The following FSD1L variants were observed in gnomAD, a reference collection of about 807,000 sequenced individuals.
FSD1L encodes fibronectin type III and SPRY domain containing 1 like, also known as FSD1-like protein.
A neutral mutation model predicts 71.6 loss-of-function variants in FSD1L; 45 were observed. That is an observed-to-expected ratio of 0.63 (90% CI 0.49 to 0.81). FSD1L has a LOEUF of 0.81. Among genes scored for constraint, FSD1L ranks in the 30% least tolerant of loss-of-function variants. The pLI, the probability that FSD1L is intolerant of heterozygous loss-of-function variation, is 0.00. For missense variants in FSD1L, 561 were observed against 618.1 expected (o/e 0.91, Z 0.98); for synonymous variants, 197 against 207.2 (o/e 0.95, Z 0.42).
intron 10 of FSD1L, among the ~76,000 whole-genome samples, chr9:105,519,620 T>A (rs1351083219): frequency 2.6e-5 from 4 of 152,160 alleles, no homozygotes; most frequent in Non-Finnish European, 2.9e-5. Flanking sequence ...CTAAAAACTC[T>A]CAATAAACTA....
chr9:105,479,966 G>T (rs1313269834), intron 6 of FSD1L, among the ~76,000 whole-genome samples: 1 of 152,200 alleles, frequency 6.6e-6, no homozygotes, highest in Non-Finnish European at 1.5e-5. Context: ...TATTGGTAGA[G>T]CCAGGCTTAA....
At chr9:105,456,572 T>C (rs1471551470) in intron 1 of FSD1L, among the ~76,000 whole-genome samples, 2 of 152,274 alleles carry the variant, frequency 1.3e-5, no homozygotes, top group East Asian at 3.8e-4. Context: ...ATTCATTCCA[T>C]AACAGTGGTT....
chr9:105,457,635 GTC>G (rs1327794102), intron 1 of FSD1L, among the ~76,000 whole-genome samples: 1 of 152,262 alleles, frequency 6.6e-6, no homozygotes, highest in Admixed American at 6.5e-5. Flanking sequence ...AGCTGGCAGT[GTC>G]TCTCCTTGAG....
intron 5 of FSD1L, among the ~76,000 whole-genome samples, chr9:105,476,567 A>G (rs986421979): frequency 4.6e-5 from 7 of 152,178 alleles, no homozygotes; most frequent in Non-Finnish European, 8.8e-5. Context: ...TTTTTAGGTT[A>G]TGGTACTGTA....
intron 10 of FSD1L, chr9:105,520,836 C>T: frequency 6.2e-7 from 1 of 1,612,136 alleles, no homozygotes; most frequent in Middle Eastern, 2.2e-4. Context: ...TCCTCTTGTC[C>T]CCCCACAATC....
chr9:105,452,728 T>TTCCTCCTC (rs1830117210), intron 1 of FSD1L, among the ~76,000 whole-genome samples: 2 of 150,662 alleles, frequency 1.3e-5, no homozygotes, highest in African/African-American at 4.9e-5. Context: ...CTTTCCTTCT[T>TTCCTCCTC]TCCTCCTCTC....
At chr9:105,516,969 A>T (rs1418733054) in intron 10 of FSD1L, among the ~76,000 whole-genome samples, 4 of 152,242 alleles carry the variant, frequency 2.6e-5, no homozygotes, top group Non-Finnish European at 5.9e-5. Context: ...ACCAGTTTAG[A>T]GAAGAATATA....
rs10991678 is a variant in FSD1L, at chr9:105,510,218, A to G, written c.895+1503A>G. 9.3e-4 allele frequency among the ~76,000 whole-genome samples: 141 copies of G among 152,298 alleles called. 2 individuals are homozygous for G. The East Asian group carries it at 0.02, about 22-fold the overall frequency. ...AACTAAGTTGATTCTAGGCCTTTTC[A>G]GCACTTCTTCACTGTTGAGTAAACC... On this transcript the variant is annotated intron_variant, in intron 9 of 13. Transcript: ENST00000481272.
chr9:105,551,127 A>G lies in FSD1L; in HGVS notation c.*4644A>G, dbSNP rs755379664. On this transcript the variant is annotated 3_prime_UTR_variant, in exon 14 of 14. Coordinates refer to ENST00000481272, the MANE Select transcript of FSD1L (RefSeq NM_001145313.3). ...ATATATATTTTTTAACATTTCCTAT[A>G]TATCTAAGGTACCAAAGCACTGAGT... The G allele has an allele frequency of 1.3e-5, 2 of 152,082 alleles. No homozygotes were observed. Among genetic ancestry groups the G allele is most frequent in the African/African-American group, 2.4e-5 (1 of 41,434 alleles). The allele number at this position is 152,082 out of a possible 1,614,324, so 9.4% of individuals were successfully genotyped here. A position where few individuals can be genotyped will look rare whatever the true frequency, so the allele number is the denominator to read the frequency against.
intron 2 of FSD1L, among the ~76,000 whole-genome samples, chr9:105,462,782 C>T (rs1232185558): frequency 6.7e-6 from 1 of 149,502 alleles, no homozygotes; most frequent in Non-Finnish European, 1.5e-5. Flanking sequence ...CTGGGCCTCC[C>T]ATAGCGCACA....
At chr9:105,535,464 A>G (rs1232197222) in intron 12 of FSD1L, 146 bp downstream of exon 12, 3 of 833,864 alleles carry the variant, frequency 3.6e-6, no homozygotes, top group Non-Finnish European at 5.5e-6. Context: ...CATAATCTCA[A>G]TTCTAGAATT....
At chr9:105,451,099 A>G (rs898185362) in intron 1 of FSD1L, among the ~76,000 whole-genome samples, 1 of 151,960 alleles carries the variant, frequency 6.6e-6, no homozygotes, top group Non-Finnish European at 1.5e-5. Flanking sequence ...AGCTGGGACT[A>G]CAGGCTCCCG....
chr9:105,468,126 A>G (rs1053860012), intron 3 of FSD1L, 67 bp from the exon 4 acceptor site: 5 of 1,105,558 alleles, frequency 4.5e-6, no homozygotes, highest in African/African-American at 3.3e-5. Context: ...TCTTTTGGGC[A>G]TACCTTTTAG....
chr9:105,446,710 AC>A (rs1829658222), upstream of FSD1L, among the ~76,000 whole-genome samples: 1 of 121,508 alleles, frequency 8.2e-6, no homozygotes, highest in African/African-American at 3.0e-5. Context: ...TAGCACGTTA[AC>A]TTTTTTTTTT....
chr9:105,499,653 A>G (rs1833647731), intron 7 of FSD1L, among the ~76,000 whole-genome samples: 1 of 149,874 alleles, frequency 6.7e-6, no homozygotes, highest in Admixed American at 6.7e-5. Flanking sequence ...GTTTTTGTTT[A>G]TGTGTGTATG....
At chr9:105,530,004 T>C (rs1033326983) in intron 10 of FSD1L, among the ~76,000 whole-genome samples, 3 of 152,186 alleles carry the variant, frequency 2.0e-5, no homozygotes, top group African/African-American at 7.2e-5. Flanking sequence ...ACATTTTGAC[T>C]GGTATATTTA....
Position 105,462,974 on chromosome 9 carries a change from C to T in FSD1L, c.112-1262C>T, listed in dbSNP as rs537688971. The stretch of plus-strand genomic sequence containing the variant: ...CCAACATGGTGAAGCCCCGTCTCTA[C>T]TAAAAATGCAAAAATTAGCTGGGCG... On this transcript the variant is annotated intron_variant, in intron 2 of 13. Transcript: ENST00000481272. Among the ~76,000 whole-genome samples the T allele has an allele frequency of 5.3e-5, 8 of 151,256 alleles. No individual in the cohort carries two copies. The East Asian group carries it at 1.6e-3, about 30-fold the overall frequency.
At chr9:105,533,718 GCCCCCCCGT>G (rs771359477) in intron 10 of FSD1L, among the ~76,000 whole-genome samples, 3 of 149,608 alleles carry the variant, frequency 2.0e-5, no homozygotes, top group Non-Finnish European at 3.0e-5. Context: ...ACCGCGTGCA[GCCCCCCCGT>G]CCCTTTTTTT....
intron 5 of FSD1L, among the ~76,000 whole-genome samples, chr9:105,478,146 G>A (rs1831935133): frequency 6.6e-6 from 1 of 152,212 alleles, no homozygotes; most frequent in Admixed American, 6.5e-5. Flanking sequence ...TTGGGAGGCT[G>A]AGGCAGGAGA....
Sources: gnomAD v4.1 joint callset for allele counts (sites outside exome capture counted in the v4.1 genomes callset) on GRCh38, gnomAD v4.1.1 for gene constraint, MANE v1.5 for transcripts, NCBI Gene and HGNC (gene_info 2026-07-23, HGNC 2026-07-21) for gene names.